The following PRKCB variants were observed in gnomAD, a reference collection of about 807,000 sequenced individuals.
PRKCB encodes the protein protein kinase C beta.
A neutral mutation model predicts 81.5 loss-of-function variants in PRKCB; 13 were observed. That is an observed-to-expected ratio of 0.16 (90% CI 0.10 to 0.25). The LOEUF (loss-of-function observed/expected upper bound fraction) is 0.25, where lower values mean the gene tolerates loss of function less well. PRKCB is among the 10% of genes least tolerant of loss of function. The probability of loss-of-function intolerance (pLI) is 1.00; values close to 1 mark genes in which losing one functional copy is unlikely to be tolerated. For missense variants in PRKCB, 509 were observed against 875.7 expected, an observed-to-expected ratio of 0.58 and a Z score of 5.29; for synonymous variants, 335 against 321.4, an observed-to-expected ratio of 1.04 and a Z score of -0.45.
rs183415632 is a variant in PRKCB, at chr16:23,975,168, G to A, written c.206-13340G>A. ...CAGTGATTTTTGCAGTATTCACTTA[G>A]CAAGTCATTCCTCGTTGCAGAATTG... On this transcript the variant is annotated intron_variant, in intron 2 of 16. Coordinates refer to ENST00000643927, the MANE Select transcript of PRKCB (RefSeq NM_002738.7). 1.2e-4 allele frequency among the ~76,000 whole-genome samples: 19 copies of A among 152,308 alleles called. No homozygotes were observed. The East Asian group carries it at 3.7e-3, about 29-fold the overall frequency.
At chr16:23,879,888 T>C (rs1963079099) in intron 2 of PRKCB, among the ~76,000 whole-genome samples, 1 of 152,098 alleles carries the variant, frequency 6.6e-6, no homozygotes, top group African/African-American at 2.4e-5. Flanking sequence ...AGCTCTGCTG[T>C]TTTTTAAACT....
chr16:24,005,216 A>G (rs1241241754), intron 3 of PRKCB, among the ~76,000 whole-genome samples: 1 of 112,314 alleles, frequency 8.9e-6, no homozygotes, highest in Admixed American at 8.9e-5. Context: ...GTCATAATAT[A>G]TTGCTAAATG....
chr16:24,203,529 C>T (rs756661639), intron 16 of PRKCB, among the ~76,000 whole-genome samples: 6 of 152,142 alleles, frequency 3.9e-5, no homozygotes, highest in African/African-American at 7.2e-5. Flanking sequence ...AGCACAAGAA[C>T]TTTGGGAGAA....
Position 23,900,972 on chromosome 16 carries a change from G to A in PRKCB, c.205+63566G>A, listed in dbSNP as rs148279977. Among the ~76,000 whole-genome samples, 230 of 152,024 alleles carry A rather than the reference G, an allele frequency of 1.5e-3. 2 individuals are homozygous for A. The highest frequency in any genetic ancestry group is 5.2e-3 in the African/African-American group (217 of 41,470). On this transcript the variant is annotated intron_variant, in intron 2 of 16. Coordinates refer to ENST00000643927, the MANE Select transcript of PRKCB (RefSeq NM_002738.7). ...GCAGTGATGTCTGATCCTGTGCACC[G>A]TGCATTCATCATGTGACCCATTTCT...
At chr16:24,094,495 G>A (rs56316329) in intron 7 of PRKCB, among the ~76,000 whole-genome samples, 198 bp downstream of exon 7, 4,029 of 152,308 alleles carry the variant, frequency 0.026, 62 homozygotes, top group Middle Eastern at 0.058. Flanking sequence ...GCCAGGCCTC[G>A]TGTCTGACAC....
At chr16:24,082,776 A>G (rs566139829) in intron 5 of PRKCB, among the ~76,000 whole-genome samples, 1 of 152,268 alleles carries the variant, frequency 6.6e-6, no homozygotes, top group African/African-American at 2.4e-5. Context: ...AATCTTTATG[A>G]CCTGTAGTTA....
chr16:24,086,278 G>T (rs946396640), intron 5 of PRKCB, among the ~76,000 whole-genome samples: 1 of 152,168 alleles, frequency 6.6e-6, no homozygotes, highest in Non-Finnish European at 1.5e-5. Context: ...TGGCAGGGCA[G>T]GGGGGTTCAA....
At chr16:23,929,494 T>C (rs1256674880) in intron 2 of PRKCB, among the ~76,000 whole-genome samples, 3 of 152,088 alleles carry the variant, frequency 2.0e-5, no homozygotes, top group Non-Finnish European at 4.4e-5. Flanking sequence ...CATAGAGGGT[T>C]GTGAAGAGTG....
intron 5 of PRKCB, among the ~76,000 whole-genome samples, chr16:24,041,211 G>A (rs1005959396): frequency 9.1e-5 from 13 of 143,616 alleles, no homozygotes; most frequent in Non-Finnish European, 1.4e-4. Context: ...CACCATGGCC[G>A]GCTAATTTTT....
intron 2 of PRKCB, among the ~76,000 whole-genome samples, chr16:23,839,898 GGCA>G (rs1226709206): frequency 6.6e-6 from 1 of 152,134 alleles, no homozygotes; most frequent in African/African-American, 2.4e-5. Context: ...CCAATGGTGG[GGCA>G]GCTGGCACGA....
chr16:24,021,011 T>TCC (rs1491328720), intron 3 of PRKCB, among the ~76,000 whole-genome samples: 1 of 137,942 alleles, frequency 7.2e-6, no homozygotes, highest in Non-Finnish European at 1.6e-5. Context: ...TTTCTTTCTT[T>TCC]CTTTCTTTCT....
intron 2 of PRKCB, among the ~76,000 whole-genome samples, chr16:23,958,067 CT>C (rs1273489570): frequency 1.3e-5 from 2 of 152,240 alleles, no homozygotes; most frequent in East Asian, 3.8e-4. Context: ...TCTTGGCTCA[CT>C]GCAACCTCTG....
intron 9 of PRKCB, among the ~76,000 whole-genome samples, chr16:24,153,081 T>G (rs547815116): frequency 1.3e-5 from 2 of 152,298 alleles, no homozygotes; most frequent in East Asian, 1.9e-4. Context: ...CTTCTGTGCA[T>G]GAGTTTAGCC....
At chr16:23,990,613 T>C (rs1021672713) in intron 3 of PRKCB, among the ~76,000 whole-genome samples, 1 of 151,680 alleles carries the variant, frequency 6.6e-6, no homozygotes, top group African/African-American at 2.4e-5. Context: ...GGCATGATCA[T>C]GTCTCACTCA....
chr16:24,084,259 G>A (rs1172795209), intron 5 of PRKCB, among the ~76,000 whole-genome samples: 1 of 152,078 alleles, frequency 6.6e-6, no homozygotes, highest in Non-Finnish European at 1.5e-5. Context: ...AAATGGAAAA[G>A]CATCTATACT....
intron 7 of PRKCB, among the ~76,000 whole-genome samples, chr16:24,101,721 C>T (rs1195201421): frequency 6.6e-6 from 1 of 152,194 alleles, no homozygotes; most frequent in Admixed American, 6.5e-5. Flanking sequence ...ATTTCTCTTA[C>T]TGTCATAATT....
rs1237908719 is a variant in PRKCB at position 24,044,523 on chromosome 16, ATTT to A, written c.529+8977_529+8979del. 3.3e-5 allele frequency among the ~76,000 whole-genome samples: 5 copies of A among 152,344 alleles called. No homozygotes were observed. The South Asian group carries it at 1.0e-3, about 32-fold the overall frequency. Reference sequence around the variant, plus strand: ...ATATTATACTTCCTATACTTTTATTATTTAAAAGTTTGTGATAAAAATTCTAAA... The same window carrying A: ...ATATTATACTTCCTATACTTTTATTAAAAAGTTTGTGATAAAAATTCTAAA... On this transcript the variant is annotated intron_variant, in intron 5 of 16. Coordinates refer to ENST00000643927, the MANE Select transcript of PRKCB (RefSeq NM_002738.7).
chr16:23,924,396 T>C (rs1409328320), intron 2 of PRKCB, among the ~76,000 whole-genome samples: 3 of 152,048 alleles, frequency 2.0e-5, no homozygotes, highest in African/African-American at 7.2e-5. Flanking sequence ...CTAATACGCA[T>C]GGCCATGCCT....
At chr16:24,067,238 A>C (rs375729312) in intron 5 of PRKCB, among the ~76,000 whole-genome samples, 1 of 152,148 alleles carries the variant, frequency 6.6e-6, no homozygotes, top group South Asian at 2.1e-4. Context: ...TTAATAAGTT[A>C]TTTTAAAGTT....
Sources: allele counts gnomAD v4.1 joint callset (sites outside exome capture counted in the v4.1 genomes callset), GRCh38; gene constraint gnomAD v4.1.1; transcripts MANE v1.5; gene names NCBI Gene and HGNC (gene_info 2026-07-23, HGNC 2026-07-21).